IGFL2: variants seen among roughly 807,000 people sequenced by gnomAD.
IGFL2 encodes IGF like family member 2.
Under a neutral mutation model 13.9 loss-of-function variants are expected in IGFL2, and 7 were observed. The observed-to-expected ratio is 0.51, with a 90% CI of 0.29 to 0.95. The LOEUF is 0.95. IGFL2 is among the 40% of genes least tolerant of loss of function. The probability of loss-of-function intolerance (pLI) is 0.08; values close to 1 mark genes in which losing one functional copy is unlikely to be tolerated. For missense variants in IGFL2, 138 were observed against 147.8 expected, an observed-to-expected ratio of 0.93 and a Z score of 0.34; for synonymous variants, 55 against 55.8, an observed-to-expected ratio of 0.99 and a Z score of 0.07.
chr19:46,124,715 C>T, the IGFL2 span: 2 of 1,392,376 alleles, frequency 1.4e-6, no homozygotes, highest in Non-Finnish European at 2.0e-6. Context: ...TGGAGACAGC[C>T]TAAATGGGGT....
At chr19:46,103,761 G>C in the IGFL2 span, among the ~76,000 whole-genome samples, 4 of 152,266 alleles carry the variant, frequency 2.6e-5, no homozygotes, top group East Asian at 7.7e-4. Context: ...GGGTAAGGAC[G>C]AAGAGACCTA....
chr19:46,171,749 G>A, the IGFL2 span, among the ~76,000 whole-genome samples: 1 of 151,872 alleles, frequency 6.6e-6, no homozygotes, highest in East Asian at 1.9e-4. Flanking sequence ...CTCCCTTCTT[G>A]AACTCCCCAT....
At chr19:46,201,830 G>C in the IGFL2 span, among the ~76,000 whole-genome samples, 1 of 152,140 alleles carries the variant, frequency 6.6e-6, no homozygotes, top group South Asian at 2.1e-4. Flanking sequence ...CAGGGTAGTG[G>C]ATAATTTTGT....
the IGFL2 span, among the ~76,000 whole-genome samples, chr19:46,128,519 T>C: frequency 6.6e-6 from 1 of 152,240 alleles, no homozygotes. Flanking sequence ...GTATATTTCT[T>C]CAATACCTAG....
chr19:46,182,676 A>G, the IGFL2 span, among the ~76,000 whole-genome samples: 1 of 152,280 alleles, frequency 6.6e-6, no homozygotes, highest in East Asian at 1.9e-4. Context: ...TGCACGTGTC[A>G]GCCACGGTGT....
chr19:46,205,522 T>G, the IGFL2 span, among the ~76,000 whole-genome samples: 1 of 152,150 alleles, frequency 6.6e-6, no homozygotes, highest in Admixed American at 6.5e-5. Context: ...GTGGGCCCTA[T>G]GGAAATCAGA....
chr19:46,209,166 C>G, the IGFL2 span: 1 of 152,224 alleles, frequency 6.6e-6, no homozygotes, highest in African/African-American at 2.4e-5. Context: ...TCCACTGACA[C>G]AGAGTAAGTG....
chr19:46,168,417 T>G, the IGFL2 span, among the ~76,000 whole-genome samples: 1 of 152,358 alleles, frequency 6.6e-6, no homozygotes, highest in South Asian at 2.1e-4. Flanking sequence ...TATTTTCAAT[T>G]TTCAGGCCCA....
At chr19:46,085,882 G>A in the IGFL2 span, among the ~76,000 whole-genome samples, 3 of 152,022 alleles carry the variant, frequency 2.0e-5, no homozygotes, top group African/African-American at 7.2e-5. Flanking sequence ...TTGCATTTTT[G>A]TTCTTTGCAA....
chr19:46,176,894 C>T, the IGFL2 span, among the ~76,000 whole-genome samples: 1 of 152,128 alleles, frequency 6.6e-6, no homozygotes, highest in Non-Finnish European at 1.5e-5. Flanking sequence ...CACATTCAGG[C>T]CAAGTTGGAG....
At chr19:46,104,843 A>G in the IGFL2 span, among the ~76,000 whole-genome samples, 4 of 152,198 alleles carry the variant, frequency 2.6e-5, no homozygotes, top group African/African-American at 9.7e-5. Context: ...GAGGTTCTGA[A>G]AAGATGACAG....
chr19:46,160,642 C>G lies in IGFL2; in HGVS notation c.102C>G (p.Cys34Trp), dbSNP rs1410024225. The G allele has an allele frequency of 1.2e-6, 2 of 1,614,166 alleles. No homozygotes were observed. Among genetic ancestry groups the G allele is most frequent in the Non-Finnish European group, 1.7e-6 (2 of 1,180,018 alleles). ...CCGCTGGCTCAGAACCATGGCTGTGCCAGCCGGCACCCAGGTGTGGAGACA... is the reference window on the plus strand; with the variant it reads ...CCGCTGGCTCAGAACCATGGCTGTGGCAGCCGGCACCCAGGTGTGGAGACA... ...IAPAGSEPWL[C>W]QPAPRCGDKI... Residue 34 changes from cysteine to tryptophan, a missense_variant, in exon 3 of 4, where the codon TGC becomes TGG. By Grantham distance (215) the Cys-to-Trp change is radical (BLOSUM62 -2). Transcript: ENST00000377693.
the IGFL2 span, among the ~76,000 whole-genome samples, chr19:46,108,897 C>T: frequency 6.9e-6 from 1 of 144,054 alleles, no homozygotes; most frequent in African/African-American, 2.7e-5. Context: ...AAGGGTGGAG[C>T]AACAGCAAGA....
the IGFL2 span, among the ~76,000 whole-genome samples, chr19:46,201,512 C>G: frequency 6.6e-6 from 1 of 152,234 alleles, no homozygotes; most frequent in Non-Finnish European, 1.5e-5. Flanking sequence ...ACTGTGGGCT[C>G]CCAAGCCTTT....
At chr19:46,129,238 A>G in the IGFL2 span, among the ~76,000 whole-genome samples, 4 of 147,740 alleles carry the variant, frequency 2.7e-5, no homozygotes, top group Non-Finnish European at 6.0e-5. Flanking sequence ...CTTCTTTTTT[A>G]ATCTAGCTAG....
chr19:46,124,848 A>T, the IGFL2 span, among the ~76,000 whole-genome samples: 3 of 150,674 alleles, frequency 2.0e-5, no homozygotes, highest in African/African-American at 7.4e-5. Flanking sequence ...TTCTTTAAGG[A>T]GGAGACTGGG....
At chr19:46,164,131 GGCTGGAACA>G (rs1284442581), downstream of IGFL2, 1 of 150,954 alleles carries the variant, frequency 6.6e-6, no homozygotes, top group Admixed American at 6.6e-5. Flanking sequence ...GAGGCCTGAA[GGCTGGAACA>G]GCTAAGTCAT....
chr19:46,176,235 G>C, the IGFL2 span, among the ~76,000 whole-genome samples: 1 of 150,524 alleles, frequency 6.6e-6, no homozygotes. Flanking sequence ...TGGATGACTA[G>C]ATGCAGGTAG....
At chr19:46,174,884 C>T in the IGFL2 span, among the ~76,000 whole-genome samples, 2 of 152,150 alleles carry the variant, frequency 1.3e-5, no homozygotes, top group African/African-American at 4.8e-5. Context: ...TTTTGTTCAG[C>T]TTCTTTTATT....
Sources: allele counts gnomAD v4.1 joint callset (sites outside exome capture counted in the v4.1 genomes callset), GRCh38; gene constraint gnomAD v4.1.1; transcripts MANE v1.5; gene names NCBI Gene and HGNC (gene_info 2026-07-23, HGNC 2026-07-21).